The following RPTOR variants were observed in gnomAD, a reference collection of about 807,000 sequenced individuals.
The protein encoded by RPTOR is regulatory-associated protein of mTOR.
Under a neutral mutation model 169.9 loss-of-function variants are expected in RPTOR, and 21 were observed. That is an observed-to-expected ratio of 0.12 (90% CI 0.09 to 0.18). The LOEUF is 0.18. Among genes scored for constraint, RPTOR ranks in the 10% least tolerant of loss-of-function variants. The pLI, the probability that RPTOR is intolerant of heterozygous loss-of-function variation, is 1.00. For missense variants in RPTOR, 1,133 were observed against 1,855.9 expected, an observed-to-expected ratio of 0.61 and a Z score of 7.16; for synonymous variants, 732 against 753.2, an observed-to-expected ratio of 0.97 and a Z score of 0.46.
chr17:80,684,830 G>A (rs1298633312), intron 3 of RPTOR, among the ~76,000 whole-genome samples: 6 of 152,144 alleles, frequency 3.9e-5, no homozygotes, highest in Non-Finnish European at 8.8e-5. Context: ...CCACTACACA[G>A]CGTGTCCTGG....
chr17:80,965,533 G>A lies in RPTOR; in HGVS notation c.*1203G>A, dbSNP rs2069416089. The A allele has an allele frequency of 4.3e-6, 1 of 233,404 alleles. No individual in the cohort carries two copies. Among genetic ancestry groups the A allele is most frequent in the Admixed American group, 5.6e-5 (1 of 17,814 alleles). 14.5% of individuals were successfully genotyped at this position (233,404 alleles called of 1,614,324 possible). ...CCACAATGATGGTATTTTGAAAAGT[G>A]TTCTTTCCGTGTTCGTCGGGAATCA... On this transcript the variant is annotated 3_prime_UTR_variant, in exon 34 of 34. Coordinates refer to ENST00000306801, the MANE Select transcript of RPTOR (RefSeq NM_020761.3).
intron 1 of RPTOR, among the ~76,000 whole-genome samples, chr17:80,599,915 T>C (rs1339674171): frequency 6.6e-6 from 1 of 152,210 alleles, no homozygotes; most frequent in Non-Finnish European, 1.5e-5. Context: ...AAATTCAAAG[T>C]GCCACCTGGC....
chr17:80,806,784 T>C (rs888278549), intron 7 of RPTOR, among the ~76,000 whole-genome samples: 8 of 152,256 alleles, frequency 5.3e-5, no homozygotes, highest in Non-Finnish European at 1.5e-5. Flanking sequence ...CTTATACGTA[T>C]ATCTTTTTTC....
intron 1 of RPTOR, among the ~76,000 whole-genome samples, chr17:80,567,452 A>G (rs1297057742): frequency 2.0e-5 from 3 of 152,052 alleles, no homozygotes; most frequent in Non-Finnish European, 4.4e-5. Context: ...AATGTCATAC[A>G]TTTTATTTCC....
intron 21 of RPTOR, among the ~76,000 whole-genome samples, chr17:80,922,213 G>A (rs1041426649): frequency 9.2e-5 from 14 of 152,240 alleles, no homozygotes; most frequent in Non-Finnish European, 1.3e-4. Flanking sequence ...ATGCCACATC[G>A]CCCGGCTCCG....
intron 1 of RPTOR, among the ~76,000 whole-genome samples, chr17:80,622,516 C>T (rs560958686): frequency 1.1e-4 from 17 of 152,290 alleles, no homozygotes; most frequent in East Asian, 7.7e-4. Flanking sequence ...TTGTCTCTTA[C>T]GCTTCATAAT....
chr17:80,908,439 G>A (rs1271881116), intron 20 of RPTOR, among the ~76,000 whole-genome samples: 1 of 152,146 alleles, frequency 6.6e-6, no homozygotes, highest in African/African-American at 2.4e-5. Context: ...CATGCCACAT[G>A]CACCACTACC....
chr17:80,683,491 C>T (rs2065913421), intron 3 of RPTOR, among the ~76,000 whole-genome samples: 1 of 152,164 alleles, frequency 6.6e-6, no homozygotes, highest in African/African-American at 2.4e-5. Context: ...GTAATAAGGA[C>T]TCTGGCTCTG....
At chr17:80,895,444 C>T (rs1474097451) in intron 20 of RPTOR, among the ~76,000 whole-genome samples, 2 of 152,232 alleles carry the variant, frequency 1.3e-5, no homozygotes, top group East Asian at 3.8e-4. Flanking sequence ...TGTTCATTGG[C>T]CCGGCCCATC....
intron 3 of RPTOR, among the ~76,000 whole-genome samples, chr17:80,674,982 A>T (rs992555977): frequency 6.6e-5 from 10 of 152,068 alleles, no homozygotes. Context: ...TCCAACTAGG[A>T]CTCAGTCACC....
At chr17:80,549,525 C>A (rs906204184) in intron 1 of RPTOR, among the ~76,000 whole-genome samples, 1 of 152,076 alleles carries the variant, frequency 6.6e-6, no homozygotes, top group African/African-American at 2.4e-5. Flanking sequence ...GTTGGCCAGG[C>A]TGGTCTCAAA....
chr17:80,964,119 C>A, intron 33 of RPTOR, 143 bp from the exon 34 acceptor site: 1 of 710,134 alleles, frequency 1.4e-6, no homozygotes, highest in South Asian at 1.6e-5. Flanking sequence ...ACCGGCCCGG[C>A]ATTTCCGGGC....
rs2068761078 is a variant in RPTOR, at chr17:80,922,766, T to C, written c.2563T>C (p.Ser855Pro). 6.3e-7 allele frequency: 1 copy of C among 1,584,892 alleles called. No homozygotes were observed. Among genetic ancestry groups the C allele is most frequent in the Non-Finnish European group, 8.5e-7 (1 of 1,170,404 alleles). The part of the protein sequence containing the change: ...ARPQRVLDTS[S>P]LTQSAPASPT... ...GCCGCAGCGCGTCCTGGACACCTCC[T>C]CCCTCACGCAGTCGGCCCCCGCCAG... is the stretch of plus-strand genomic sequence containing the variant. The change falls in exon 22 of 34, where the codon TCC (serine) becomes CCC (proline). Residue 855 changes from serine to proline, a missense_variant. Around this residue, in one of 9 missense-constraint regions of RPTOR, gnomAD observed 123 missense variants for 129.0 expected, o/e 0.95. Coordinates refer to ENST00000306801, the MANE Select transcript of RPTOR (RefSeq NM_020761.3).
At chr17:80,581,630 A>G (rs941476321) in intron 1 of RPTOR, among the ~76,000 whole-genome samples, 1 of 146,920 alleles carries the variant, frequency 6.8e-6, no homozygotes. Context: ...GAGACCGCAC[A>G]TCGGGCCAGT....
chr17:80,769,087 G>A (rs1816656352), intron 6 of RPTOR, among the ~76,000 whole-genome samples: 2 of 152,156 alleles, frequency 1.3e-5, no homozygotes, highest in African/African-American at 4.8e-5. Flanking sequence ...ACATAGACCT[G>A]TATGGAGGGT....
chr17:80,723,954 T>C (rs746500165), intron 4 of RPTOR, among the ~76,000 whole-genome samples: 5 of 151,270 alleles, frequency 3.3e-5, no homozygotes, highest in Admixed American at 6.6e-5. Context: ...AGCCTGTCTG[T>C]TGGGGAGACC....
At chr17:80,685,124 T>G (rs2065927113) in intron 3 of RPTOR, among the ~76,000 whole-genome samples, 1 of 106,298 alleles carries the variant, frequency 9.4e-6, no homozygotes, top group Non-Finnish European at 1.8e-5. Context: ...CTCGGCAACA[T>G]AGGAGAGCGC....
At chr17:80,817,033 C>T (rs1469277678) in intron 7 of RPTOR, among the ~76,000 whole-genome samples, 1 of 152,208 alleles carries the variant, frequency 6.6e-6, no homozygotes, top group East Asian at 1.9e-4. Flanking sequence ...ATAAGACCTG[C>T]CTGGCGTGGG....
chr17:80,883,014 A>C (rs1258650755), intron 14 of RPTOR, among the ~76,000 whole-genome samples: 1 of 152,240 alleles, frequency 6.6e-6, no homozygotes, highest in East Asian at 1.9e-4. Flanking sequence ...TGAAACCTAG[A>C]GCGCTGCCTC....
Sources: gnomAD v4.1 joint callset for allele counts (sites outside exome capture counted in the v4.1 genomes callset) on GRCh38, gnomAD v4.1.1 for gene constraint, gnomAD v4.1.1 regional missense constraint, MANE v1.5 for transcripts, NCBI Gene and HGNC (gene_info 2026-07-23, HGNC 2026-07-21) for gene names.